DOCK9: variants seen among roughly 807,000 people sequenced by gnomAD.
DOCK9 encodes dedicator of cytokinesis protein 9.
In DOCK9, 89 loss-of-function variants were observed where a neutral mutation model predicts 263.3. That is an observed-to-expected ratio of 0.34 (90% CI 0.28 to 0.40). The LOEUF (loss-of-function observed/expected upper bound fraction) is 0.40. Ranked by LOEUF, DOCK9 falls within the 10% of genes least tolerant of loss-of-function variation. The pLI, the probability that DOCK9 is intolerant of heterozygous loss-of-function variation, is 1.00. For synonymous variants in DOCK9, 976 were observed against 973.1 expected (o/e 1.00, Z -0.06); for missense variants, 2,140 against 2,603.4 (o/e 0.82, Z 3.87).
chr13:98,804,130 G>A (rs528073483), intron 49 of DOCK9, among the ~76,000 whole-genome samples: 35 of 152,254 alleles, frequency 2.3e-4, no homozygotes, highest in African/African-American at 5.8e-4. Flanking sequence ...CCCAACTTCC[G>A]GGGAGCAGGC....
intron 1 of DOCK9, among the ~76,000 whole-genome samples, chr13:98,977,252 T>G (rs904810623): frequency 4.6e-5 from 7 of 152,198 alleles, no homozygotes; most frequent in Non-Finnish European, 1.0e-4. Context: ...GTTCACAGTT[T>G]AGGTTCTTCC....
At chr13:98,914,746 A>G (rs576964639) in intron 8 of DOCK9, among the ~76,000 whole-genome samples, 1 of 152,306 alleles carries the variant, frequency 6.6e-6, no homozygotes, top group Admixed American at 6.5e-5. Flanking sequence ...GGACCAGGTA[A>G]ATGGTATTTT....
At chr13:98,846,122 G>C (rs2093383237) in intron 37 of DOCK9, 62 bp from the exon 38 acceptor site, 3 of 1,529,970 alleles carry the variant, frequency 2.0e-6, no homozygotes, top group Admixed American at 4.0e-5. Context: ...CAGCGAGACG[G>C]GGAGTGTTAG....
intron 47 of DOCK9, 122 bp downstream of exon 47, chr13:98,809,230 T>G: frequency 8.2e-7 from 1 of 1,215,550 alleles, no homozygotes; most frequent in Non-Finnish European, 1.2e-6. Context: ...ATTCATCAAA[T>G]TAGCAATTAC....
chr13:98,996,093 A>G (rs1880971782), intron 1 of DOCK9, among the ~76,000 whole-genome samples: 1 of 152,236 alleles, frequency 6.6e-6, no homozygotes, highest in Non-Finnish European at 1.5e-5. Context: ...TTTAAATAGC[A>G]GATGGCATAT....
chr13:98,979,212 AG>A (rs1876309417), upstream of DOCK9, among the ~76,000 whole-genome samples: 1 of 129,200 alleles, frequency 7.7e-6, no homozygotes, highest in Admixed American at 7.8e-5. Context: ...TAGTAGTAGT[AG>A]TAGTAGTAGT....
At chr13:98,809,290 T>A in intron 47 of DOCK9, 62 bp downstream of exon 47, 1 of 1,409,002 alleles carries the variant, frequency 7.1e-7, no homozygotes, top group East Asian at 2.3e-5. Context: ...TTTTTTTTTG[T>A]TTTTGTTTTT....
chr13:98,918,062 C>T (rs921264088), intron 7 of DOCK9, among the ~76,000 whole-genome samples: 6 of 152,236 alleles, frequency 3.9e-5, no homozygotes, highest in Non-Finnish European at 8.8e-5. Flanking sequence ...AGGATCTGGA[C>T]TTAGCCTCCC....
intron 1 of DOCK9, among the ~76,000 whole-genome samples, chr13:99,065,258 A>T (rs773536781): frequency 6.6e-6 from 1 of 152,240 alleles, no homozygotes; most frequent in Non-Finnish European, 1.5e-5. Flanking sequence ...CTTCTTACAC[A>T]TAACTTACAC....
intron 1 of DOCK9, among the ~76,000 whole-genome samples, chr13:99,017,932 A>T (rs1427821734): frequency 1.3e-5 from 2 of 152,364 alleles, no homozygotes; most frequent in African/African-American, 4.8e-5. Flanking sequence ...TGTGTTAGCT[A>T]ACTCAATTGT....
chr13:98,984,813 AT>A (rs1878059492), intron 1 of DOCK9, among the ~76,000 whole-genome samples: 1 of 152,202 alleles, frequency 6.6e-6, no homozygotes, highest in Non-Finnish European at 1.5e-5. Context: ...CACCAAAAAA[AT>A]CTTTCCAGCT....
chr13:98,981,636 T>A (rs974166567), upstream of DOCK9, among the ~76,000 whole-genome samples: 2 of 152,194 alleles, frequency 1.3e-5, no homozygotes, highest in Admixed American at 1.3e-4. Context: ...GAAACTGCTG[T>A]CAGCTTTCCC....
intron 9 of DOCK9, among the ~76,000 whole-genome samples, chr13:98,911,813 T>G (rs1394552291): frequency 6.6e-6 from 1 of 151,554 alleles, no homozygotes; most frequent in African/African-American, 2.4e-5. Flanking sequence ...AAAAATAATG[T>G]CATTATTAAG....
chr13:99,016,788 G>A (rs1177625222), intron 1 of DOCK9, among the ~76,000 whole-genome samples: 1 of 152,168 alleles, frequency 6.6e-6, no homozygotes, highest in African/African-American at 2.4e-5. Context: ...GGAAAAAAGT[G>A]ATCAATCTTT....
chr13:98,888,293 A>T, intron 17 of DOCK9, 67 bp downstream of exon 17: 1 of 1,602,722 alleles, frequency 6.2e-7, no homozygotes, highest in Non-Finnish European at 8.5e-7. Context: ...TTTATAAAAG[A>T]ACATGGGACG....
intron 1 of DOCK9, among the ~76,000 whole-genome samples, chr13:99,047,400 A>T (rs2040484303): frequency 6.6e-6 from 1 of 152,034 alleles, no homozygotes; most frequent in Admixed American, 6.6e-5. Flanking sequence ...TTGTCTTTCT[A>T]CTTTTAAACA....
upstream of DOCK9, among the ~76,000 whole-genome samples, chr13:98,980,382 GC>G (rs1876894899): frequency 6.6e-6 from 1 of 152,204 alleles, no homozygotes; most frequent in Non-Finnish European, 1.5e-5. Flanking sequence ...GGAAACTGAT[GC>G]CCAGAGACGT....
At chr13:98,904,144 A>G (rs1280865227) in intron 10 of DOCK9, among the ~76,000 whole-genome samples, 1 of 152,278 alleles carries the variant, frequency 6.6e-6, no homozygotes, top group Non-Finnish European at 1.5e-5. Flanking sequence ...ATATTTTACA[A>G]TGATAAACAA....
Position 98,995,485 on chromosome 13 carries a change from CT to C in DOCK9, c.130-39935del, listed in dbSNP as rs140398881. ...AAATAAGCCTCCTTTGAGGAAGATA[CT>C]TTTTTTTTTTTTTTTTTTTTGAGAC... On this transcript the variant is annotated intron_variant, in intron 1 of 32. Coordinates refer to the DOCK9 transcript ENST00000427887. 3.0e-3 allele frequency among the ~76,000 whole-genome samples: 364 copies of C among 121,438 alleles called. 1 individual carries two copies. The highest frequency in any genetic ancestry group is 6.7e-3 in the African/African-American group (215 of 32,022). 79.7% of individuals were successfully genotyped at this position (121,438 alleles called of 152,430 possible). A position where few individuals can be genotyped will look rare whatever the true frequency, so the allele number is the denominator to read the frequency against.
Sources: allele counts gnomAD v4.1 joint callset (sites outside exome capture counted in the v4.1 genomes callset), GRCh38; gene constraint gnomAD v4.1.1; transcripts MANE v1.5; gene names NCBI Gene and HGNC (gene_info 2026-07-23, HGNC 2026-07-21).